ATXN2L: variants seen among roughly 807,000 people sequenced by gnomAD.
The protein encoded by ATXN2L is ataxin 2 like.
Under a neutral mutation model 120.7 loss-of-function variants are expected in ATXN2L, and 24 were observed. That is an observed-to-expected ratio of 0.20 (90% CI 0.14 to 0.28). ATXN2L has a LOEUF of 0.28. Ranked by LOEUF, ATXN2L falls within the 10% of genes least tolerant of loss-of-function variation. The pLI is 1.00. For synonymous variants in ATXN2L, 653 were observed against 568.1 expected (o/e 1.15, Z -2.13); for missense variants, 1,312 against 1,432.3 (o/e 0.92, Z 1.36).
chr16:28,834,489 T>C lies in ATXN2L; in HGVS notation c.2246-17T>C. 1 of 1,612,052 alleles carries C rather than the reference T, an allele frequency of 6.2e-7. No homozygotes were observed. Among genetic ancestry groups the C allele is most frequent in the East Asian group, 2.2e-5 (1 of 44,876 alleles). ...GGCAGGTGGAGCTTGAGCTCTCCTCTCCTCCTCCTCTTCCAGGCTCCCTTC... is the reference window on the plus strand; with the variant it reads ...GGCAGGTGGAGCTTGAGCTCTCCTCCCCTCCTCCTCTTCCAGGCTCCCTTC... On this transcript the variant is annotated splice_polypyrimidine_tract_variant and intron_variant, in intron 17 of 21. Coordinates refer to ENST00000336783, the MANE Select transcript of ATXN2L (RefSeq NM_007245.4).
In ATXN2L at chr16:28,835,693, G is replaced by A. The variant is rs780995508; in HGVS notation, c.2830G>A (p.Ala944Thr). 5.0e-6 allele frequency: 8 copies of A among 1,613,834 alleles called. No individual in the cohort carries two copies. The highest frequency in any genetic ancestry group is 2.2e-5 in the South Asian group (2 of 91,062). The change falls in exon 21 of 22, where the codon GCT (alanine) becomes ACT (threonine). Residue 944 changes from alanine (A) to threonine (T), a missense_variant. Coordinates refer to ENST00000336783, the MANE Select transcript of ATXN2L (RefSeq NM_007245.4). ...SPQSSFPQPAAVYAIHHQQLP... is the reference protein window; with the variant it reads ...SPQSSFPQPATVYAIHHQQLP... ...TCAGAGCAGCTTCCCCCAGCCAGCC[G>A]CTGTGTATGCCATCCACCACCAGCA...
intron 15 of ATXN2L, chr16:28,833,778 G>C: frequency 1.6e-6 from 1 of 608,982 alleles, no homozygotes; most frequent in Non-Finnish European, 2.9e-6. Flanking sequence ...TTGGCATTTG[G>C]CTGAGGGAGT....
At chr16:28,829,307 T>C in intron 6 of ATXN2L, 94 bp from the exon 7 acceptor site, 1 of 864,188 alleles carries the variant, frequency 1.2e-6, no homozygotes, top group Non-Finnish European at 2.0e-6. Flanking sequence ...CCAGCCAATT[T>C]GTTCACATCT....
rs1392735600 is a variant in ATXN2L at position 28,832,907 on chromosome 16, G to A, written c.1659+20G>A. 4 of 1,613,642 alleles carry A rather than the reference G, an allele frequency of 2.5e-6. No individual in the cohort carries two copies. Among genetic ancestry groups the A allele is most frequent in the Non-Finnish European group, 3.4e-6 (4 of 1,179,668 alleles). ...TTTAAGGTGAGAGAAGAGTGAGCTG[G>A]GATATTAGCAGGGTAAAGGGGTTGG... On this transcript the variant is annotated intron_variant, in intron 13 of 21. Transcript: ENST00000336783.
Position 28,832,838 on chromosome 16 carries a change from A to T in ATXN2L, c.1610A>T (p.Gln537Leu). 6.2e-7 allele frequency: 1 copy of T among 1,614,230 alleles called. No individual in the cohort carries two copies. The highest frequency in any genetic ancestry group is 8.5e-7 in the Non-Finnish European group (1 of 1,180,040). ...ATAGTCCCTGGTCTTCAGAATGAACAGAAACGATTCCAACTGGAAGAACTG... is the reference window on the plus strand; with the variant it reads ...ATAGTCCCTGGTCTTCAGAATGAACTGAAACGATTCCAACTGGAAGAACTG... ...AGKVPGLQNE[Q>L]KRFQLEELRK... Residue 537 changes from glutamine (Q) to leucine (L), a missense_variant, in exon 13 of 22, where the codon CAG (glutamine) becomes CTG (leucine). Physicochemically the swap from Gln to Leu is moderately radical, Grantham distance 113. Coordinates refer to ENST00000336783, the MANE Select transcript of ATXN2L (RefSeq NM_007245.4).
At chr16:28,829,771 G>A in intron 7 of ATXN2L, 87 bp from the exon 8 acceptor site, 3 of 1,387,406 alleles carry the variant, frequency 2.2e-6, no homozygotes, top group Non-Finnish European at 3.1e-6. Flanking sequence ...GCCTGAACTG[G>A]TGATTGGACT....
rs781762523 is a variant in ATXN2L, at chr16:28,830,063, C to G, written c.1034+5C>G. 1.2e-6 allele frequency: 2 copies of G among 1,607,382 alleles called. No individual in the cohort carries two copies. Among genetic ancestry groups the G allele is most frequent in the Non-Finnish European group, 1.7e-6 (2 of 1,174,952 alleles). The stretch of plus-strand genomic sequence containing the variant: ...GAGCCCCAGCTTGGCATCCAGGTGA[C>G]TGTTGCAAACAGCCAGGACTACTTG... On this transcript the variant is annotated splice_donor_5th_base_variant and intron_variant, in intron 8 of 21. Transcript: ENST00000336783.
intron 6 of ATXN2L, among the ~76,000 whole-genome samples, chr16:28,827,848 A>G (rs1291753530): frequency 6.6e-6 from 1 of 152,206 alleles, no homozygotes; most frequent in East Asian, 1.9e-4. Flanking sequence ...GCTTTGGTGC[A>G]CTATGACTCA....
chr16:28,835,055 C>T lies in ATXN2L; in HGVS notation c.2434-3C>T. On this transcript the variant is annotated splice_region_variant and splice_polypyrimidine_tract_variant and intron_variant, in intron 18 of 21. Coordinates refer to ENST00000336783, the MANE Select transcript of ATXN2L (RefSeq NM_007245.4). The stretch of plus-strand genomic sequence containing the variant: ...CCAACCACTCCTCTCTCTGTCCCGC[C>T]AGCCGGTGTTTGCCCCCATGCTTCA... 6.2e-7 allele frequency: 1 copy of T among 1,609,228 alleles called. No individual in the cohort carries two copies. Among genetic ancestry groups the T allele is most frequent in the Non-Finnish European group, 8.5e-7 (1 of 1,177,462 alleles).
intron 1 of ATXN2L, among the ~76,000 whole-genome samples, chr16:28,824,898 A>G (rs1220810595): frequency 2.0e-5 from 3 of 151,964 alleles, no homozygotes; most frequent in Non-Finnish European, 2.9e-5. Flanking sequence ...CTTCCTCTAC[A>G]AGGTGACAGT....
In ATXN2L at chr16:28,834,230, C is replaced by A; in HGVS notation, c.2172+19C>A. On this transcript the variant is annotated intron_variant, in intron 16 of 21. Transcript: ENST00000336783. The stretch of plus-strand genomic sequence containing the variant: ...TGTGCAGGTATGCAGAGAGACTGGC[C>A]GGGCCCAGGGTTAGCGGGGTGGGAT... 6.2e-7 allele frequency: 1 copy of A among 1,611,500 alleles called. No homozygotes were observed. The highest frequency in any genetic ancestry group is 1.1e-5 in the South Asian group (1 of 90,968).
rs766397646 is a variant in ATXN2L at position 28,829,864 on chromosome 16, C to G, written c.840C>G (p.Pro280=). ...YDSSLSSYTV[P]LEKDNSEEFR... is the part of the protein sequence containing the mutation. ...TCTGTGGGTGCTGTCTCAGGGTGCC[C>G]TTAGAAAAGGACAACTCAGAAGAGT... The change falls in exon 8 of 22, where the codon CCC becomes CCG. Residue 280 remains proline, a synonymous_variant. Transcript: ENST00000336783. The G allele has an allele frequency of 4.3e-6, 7 of 1,614,072 alleles. No individual in the cohort carries two copies. Among genetic ancestry groups the G allele is most frequent in the African/African-American group, 4.0e-5 (3 of 74,920 alleles).
rs773674658 is a variant in ATXN2L at position 28,834,044 on chromosome 16, TG to T, written c.2026-20del. 1 of 1,608,096 alleles carries T rather than the reference TG, an allele frequency of 6.2e-7. No individual in the cohort carries two copies. The highest frequency in any genetic ancestry group is 1.7e-5 in the Admixed American group (1 of 58,278). ...TAGAGGGGAAAATACAAAATAAAAT[TG>T]TCCTCCCTTGTTTTTGCAGAATAAA... On this transcript the variant is annotated intron_variant, in intron 15 of 21. Transcript: ENST00000336783.
intron 1 of ATXN2L, chr16:28,824,090 A>AGGAGGGATGACTG (rs2050727859): frequency 9.9e-7 from 1 of 1,006,772 alleles, no homozygotes; most frequent in Admixed American, 6.1e-5. Flanking sequence ...GGGGGACGGA[A>AGGAGGGATGACTG]GGAGGGATGA....
Position 28,830,605 on chromosome 16 carries a change from C to A in ATXN2L, c.1035-10C>A. 1.3e-6 allele frequency: 2 copies of A among 1,551,382 alleles called. No individual in the cohort carries two copies. Among genetic ancestry groups the A allele is most frequent in the South Asian group, 2.4e-5 (2 of 83,524 alleles). On this transcript the variant is annotated splice_polypyrimidine_tract_variant and intron_variant, in intron 8 of 21. Coordinates refer to ENST00000336783, the MANE Select transcript of ATXN2L (RefSeq NM_007245.4). ...GTGGCTACCTGGCCTTATTTGAACT[C>A]TTTCCTCAGGGAGGGGAAGTATATC...
At chr16:28,825,309 C>T in intron 1 of ATXN2L, 57 bp from the exon 2 acceptor site, 2 of 1,508,276 alleles carry the variant, frequency 1.3e-6, no homozygotes, top group South Asian at 1.1e-5. Flanking sequence ...ACATTAATTT[C>T]ATAGTGGTCT....
At position 28,830,707 on chromosome 16, in the gene ATXN2L, T is replaced by C; in HGVS notation, c.1127T>C (p.Leu376Pro). ...AGCTCTCGGGGCGGTCGGCCTGGCC[T>C]TAGCTCTTTGCCACCTCGTGGCCCT... ...CSSSRGGRPG[L>P]SSLPPRGPHH... The change falls in exon 9 of 22, where the codon CTT becomes CCT. Residue 376 changes from leucine (L) to proline (P), a missense_variant. Transcript: ENST00000336783. 6.2e-7 allele frequency: 1 copy of C among 1,613,768 alleles called. No homozygotes were observed. The highest frequency in any genetic ancestry group is 1.1e-5 in the South Asian group (1 of 91,034).
At chr16:28,830,828 A>AG in intron 9 of ATXN2L, 38 bp downstream of exon 9, 3 of 1,555,998 alleles carry the variant, frequency 1.9e-6, no homozygotes, top group Non-Finnish European at 2.6e-6. Context: ...AGGGCAGGGA[A>AG]GGGGATGCCA....
chr16:28,835,481 G>A, intron 20 of ATXN2L, 68 bp from the exon 21 acceptor site: 1 of 1,610,652 alleles, frequency 6.2e-7, no homozygotes, highest in Non-Finnish European at 8.5e-7. Context: ...GGTCATTTCT[G>A]AGTGGCGAGG....
Sources: allele counts gnomAD v4.1 joint callset (sites outside exome capture counted in the v4.1 genomes callset), GRCh38; gene constraint gnomAD v4.1.1; transcripts MANE v1.5; gene names NCBI Gene and HGNC (gene_info 2026-07-23, HGNC 2026-07-21).